JAM3: variants seen among roughly 807,000 people sequenced by gnomAD.
JAM3 encodes junctional adhesion molecule 3, also known as junctional adhesion molecule C.
JAM3 carries 31 observed loss-of-function variants against 39.4 expected under a neutral mutation model. The observed-to-expected ratio is 0.79, with a 90% CI of 0.59 to 1.06. JAM3 has a LOEUF of 1.06. JAM3 is among the 50% of genes least tolerant of loss of function. JAM3 has a pLI of 0.00. For synonymous variants in JAM3, 182 were observed against 148.7 expected, an observed-to-expected ratio of 1.22 and a Z score of -1.63; for missense variants, 455 against 391.4, an observed-to-expected ratio of 1.16 and a Z score of -1.37.
intron 1 of JAM3, among the ~76,000 whole-genome samples, chr11:134,077,375 T>C (rs1941587012): frequency 6.6e-6 from 1 of 151,892 alleles, no homozygotes; most frequent in Non-Finnish European, 1.5e-5. Context: ...TTTTTTTTTT[T>C]TTCTTGAGAC....
intron 1 of JAM3, among the ~76,000 whole-genome samples, chr11:134,071,181 G>A (rs561181691): frequency 6.6e-6 from 1 of 152,128 alleles, no homozygotes; most frequent in African/African-American, 2.4e-5. Flanking sequence ...GTTACCCTTT[G>A]CCAGGCTCTG....
chr11:134,116,907 T>G (rs1942444826), intron 1 of JAM3, among the ~76,000 whole-genome samples: 1 of 152,206 alleles, frequency 6.6e-6, no homozygotes, highest in African/African-American at 2.4e-5. Context: ...TCCCCTTGCA[T>G]ATTCATTCTT....
chr11:134,083,477 G>T (rs572394731), intron 1 of JAM3, among the ~76,000 whole-genome samples: 1 of 152,296 alleles, frequency 6.6e-6, no homozygotes, highest in African/African-American at 2.4e-5. Context: ...ATTCCTTCAA[G>T]TGAGTTTGGA....
intron 4 of JAM3, among the ~76,000 whole-genome samples, 194 bp downstream of exon 4, chr11:134,144,587 T>A (rs1202576436): frequency 6.6e-6 from 1 of 152,162 alleles, no homozygotes. Flanking sequence ...GTCACTTCCT[T>A]CCACCAGCTA....
intron 1 of JAM3, among the ~76,000 whole-genome samples, chr11:134,113,465 A>G (rs1307242186): frequency 6.6e-6 from 1 of 152,106 alleles, no homozygotes; most frequent in South Asian, 2.1e-4. Context: ...TCCTTGTGAT[A>G]GTTTGCTGAG....
At chr11:134,112,113 G>T (rs1194568318) in intron 1 of JAM3, among the ~76,000 whole-genome samples, 2 of 152,184 alleles carry the variant, frequency 1.3e-5, no homozygotes, top group Non-Finnish European at 2.9e-5. Flanking sequence ...TTGAGACAGA[G>T]CCTCGCTCTG....
intron 1 of JAM3, among the ~76,000 whole-genome samples, chr11:134,108,881 T>A (rs1471379400): frequency 6.6e-6 from 1 of 152,196 alleles, no homozygotes; most frequent in Non-Finnish European, 1.5e-5. Flanking sequence ...TTTCCCAATC[T>A]GATAAACAAT....
At position 134,069,125 on chromosome 11, in the gene JAM3, G is replaced by A. The variant is rs1406642313; in HGVS notation, c.42G>A (p.Arg14=). Residue 14 remains arginine, a synonymous_variant, in exon 1 of 9, where the codon CGG becomes CGA. Transcript: ENST00000299106. The stretch of plus-strand genomic sequence containing the variant: ...CACCGCGACTCCGGCTCTGCGCTCG[G>A]CTGCCTGACTTCTTCCTGCTGCTGC... ...RRPPRLRLCA[R]LPDFFLLLLF... is the part of the protein sequence containing the mutation. The A allele has an allele frequency of 1.9e-6, 3 of 1,612,756 alleles. No homozygotes were observed. Among genetic ancestry groups the A allele is most frequent in the South Asian group, 1.1e-5 (1 of 91,028 alleles).
At chr11:134,137,112 C>CAAA (rs1167572520) in intron 1 of JAM3, among the ~76,000 whole-genome samples, 29 of 85,184 alleles carry the variant, frequency 3.4e-4, no homozygotes, top group African/African-American at 1.1e-3. Flanking sequence ...GACTCTGTCT[C>CAAA]AAAAAAAAAA....
At chr11:134,112,918 G>C (rs533268936) in intron 1 of JAM3, among the ~76,000 whole-genome samples, 62 of 152,166 alleles carry the variant, frequency 4.1e-4, no homozygotes, top group Non-Finnish European at 8.1e-4. Context: ...AGACCAAAGA[G>C]AAAGTTATAT....
chr11:134,144,328 G>A lies in JAM3; in HGVS notation c.344G>A (p.Cys115Tyr), dbSNP rs1362931720. The change falls in exon 4 of 9, where the codon TGT becomes TAT. Residue 115 changes from cysteine to tyrosine, a missense_variant. Transcript: ENST00000299106. ...VTRRDSALYR[C>Y]EVVARNDRKE... ...CGGAGAGACTCAGCCCTTTATCGCT[G>A]TGAGGTCGTTGCTCGAAATGACCGC... is the stretch of plus-strand genomic sequence containing the variant. The A allele has an allele frequency of 3.7e-6, 6 of 1,614,246 alleles. No individual in the cohort carries two copies. Among genetic ancestry groups the A allele is most frequent in the Non-Finnish European group, 4.2e-6 (5 of 1,180,034 alleles).
Position 134,091,014 on chromosome 11 carries a change from A to G in JAM3, c.76+21855A>G, listed in dbSNP as rs534906795. Among the ~76,000 whole-genome samples, 19 of 152,308 alleles carry G rather than the reference A, an allele frequency of 1.2e-4. No individual in the cohort carries two copies. The South Asian group carries it at 3.7e-3, about 30-fold the overall frequency. ...ATTGTAAACTACCTTAAGCTAATGT[A>G]TTGGCTGGCTAAGATTCCTACAGGG... is the stretch of plus-strand genomic sequence containing the variant. On this transcript the variant is annotated intron_variant, in intron 1 of 8. Transcript: ENST00000299106.
chr11:134,149,018 G>A (rs1425530469), intron 8 of JAM3, 128 bp from the exon 9 acceptor site: 33 of 1,159,544 alleles, frequency 2.8e-5, no homozygotes, highest in Non-Finnish European at 4.3e-5. Flanking sequence ...TGCTTTGCAA[G>A]CGCTAGTGAT....
chr11:134,136,735 T>A (rs933180384), intron 1 of JAM3, among the ~76,000 whole-genome samples: 2 of 151,554 alleles, frequency 1.3e-5, no homozygotes, highest in Admixed American at 6.6e-5. Flanking sequence ...TCATGTGTAG[T>A]TCATGAAAAA....
rs1010651174 is a variant in JAM3, at chr11:134,149,437, A to C, written c.*256A>C. The C allele has an allele frequency of 3.3e-6, 2 of 599,078 alleles. No individual in the cohort carries two copies. Among genetic ancestry groups the C allele is most frequent in the African/African-American group, 1.8e-5 (1 of 54,230 alleles). The allele number at this position is 599,078 out of a possible 1,614,324, so 37.1% of individuals were successfully genotyped here. A position where few individuals can be genotyped will look rare whatever the true frequency, so the allele number is the denominator to read the frequency against. ...GGTGCGTTCACTGAGTTGGGTTCCT[A>C]ATCTGTTTCTGGCCTGATTCCCGCA... On this transcript the variant is annotated 3_prime_UTR_variant, in exon 9 of 9. Coordinates refer to ENST00000299106, the MANE Select transcript of JAM3 (RefSeq NM_032801.5).
rs990747920 is a variant in JAM3, at chr11:134,069,262, TG to T, written c.76+105del. On this transcript the variant is annotated intron_variant, in intron 1 of 8. Coordinates refer to ENST00000299106, the MANE Select transcript of JAM3 (RefSeq NM_032801.5). ...CCGGTCCGGGCGAGGATAGCGGTCC[TG>T]GCTCCGAGGGCTCCCGGGGTCCCGG... 16 of 1,462,486 alleles carry T rather than the reference TG, an allele frequency of 1.1e-5. No homozygotes were observed. In the African/African-American group the frequency reaches 1.9e-4, roughly 17 times the overall value. The allele number at this position is 1,462,486 out of a possible 1,614,324, so 90.6% of individuals were successfully genotyped here.
chr11:134,124,400 G>A (rs1942601887), intron 1 of JAM3: 2 of 604,550 alleles, frequency 3.3e-6, no homozygotes. Flanking sequence ...AAATCAAAAT[G>A]TTTCACAGCA....
At chr11:134,113,200 T>TG (rs1942351229) in intron 1 of JAM3, among the ~76,000 whole-genome samples, 1 of 69,246 alleles carries the variant, frequency 1.4e-5, no homozygotes. Context: ...GACTGTCTGG[T>TG]TTTTTTTTTT....
intron 1 of JAM3, among the ~76,000 whole-genome samples, chr11:134,118,859 G>C (rs1047536233): frequency 6.6e-6 from 1 of 152,078 alleles, no homozygotes; most frequent in Non-Finnish European, 1.5e-5. Context: ...TTGGTTAACG[G>C]TCTTTCCAGG....
Sources: gnomAD v4.1 joint callset for allele counts (sites outside exome capture counted in the v4.1 genomes callset) on GRCh38, gnomAD v4.1.1 for gene constraint, MANE v1.5 for transcripts, NCBI Gene and HGNC (gene_info 2026-07-23, HGNC 2026-07-21) for gene names.